Variants in ANXA4 observed in about 807,000 individuals in gnomAD.
The protein encoded by ANXA4 is annexin A4, also known as 35-beta calcimedin.
Under a neutral mutation model 49.8 loss-of-function variants are expected in ANXA4, and 39 were observed. That is an observed-to-expected ratio of 0.78 (90% confidence interval 0.61 to 1.02). ANXA4 has a LOEUF of 1.02. Among genes scored for constraint, ANXA4 ranks in the 50% least tolerant of loss-of-function variants. The pLI is 0.00. For synonymous variants in ANXA4, 134 were observed against 152.5 expected (o/e 0.88, Z 0.89); for missense variants, 360 against 410.1 (o/e 0.88, Z 1.05).
Position 69,826,937 on chromosome 2 carries a change from A to C in ANXA4, c.*1422A>C, listed in dbSNP as rs544019014. ...TACAGGAATTACAAGATAAGAAAAA[A>C]AAAATCATATTTAGTCTTATGCGTG... On this transcript the variant is annotated 3_prime_UTR_variant, in exon 13 of 13. Coordinates refer to ENST00000394295, the MANE Select transcript of ANXA4 (RefSeq NM_001153.5). 2.0e-5 allele frequency: 3 copies of C among 152,318 alleles called. No individual in the cohort carries two copies. The East Asian group carries it at 5.8e-4, about 29-fold the overall frequency. 9.4% of individuals were successfully genotyped at this position (152,318 alleles called of 1,614,324 possible).
chr2:69,651,827 G>T lies in ANXA4; in HGVS notation n.482-1171G>T, dbSNP rs1222032311. ...TTTTTTTTTTTTTTTTGGGGGGGGG[G>T]GGCGGGGAGACAGAGTCTCACTCTG... On this transcript the variant is annotated intron_variant and non_coding_transcript_variant, in intron 1 of 3. Transcript: ENST00000418066. 8.6e-4 allele frequency among the ~76,000 whole-genome samples: 39 copies of T among 45,174 alleles called. 2 individuals carry two copies. Among genetic ancestry groups the T allele is most frequent in the Non-Finnish European group, 1.6e-3 (35 of 22,532 alleles). The allele number at this position is 45,174 out of a possible 152,430, so 29.6% of individuals were successfully genotyped here.
At chr2:69,781,400 T>C (rs1274344953) in intron 1 of ANXA4, 120 bp from the exon 2 acceptor site, 4 of 773,238 alleles carry the variant, frequency 5.2e-6, no homozygotes, top group Non-Finnish European at 8.7e-6. Flanking sequence ...ACTGGCCTTT[T>C]GATTAAGTTG....
At chr2:69,676,055 G>A (rs930176017) in intron 2 of ANXA4, among the ~76,000 whole-genome samples, 2 of 150,500 alleles carry the variant, frequency 1.3e-5, no homozygotes, top group Admixed American at 6.6e-5. Flanking sequence ...AGTTAAAATG[G>A]TAAACTTTAT....
intron 1 of ANXA4, among the ~76,000 whole-genome samples, chr2:69,771,159 A>G (rs146465745): frequency 2.0e-5 from 3 of 151,954 alleles, no homozygotes; most frequent in African/African-American, 4.8e-5. Flanking sequence ...AAAAATCCTC[A>G]TGCTCCAATA....
intron 2 of ANXA4, chr2:69,713,727 T>G (rs1039329527): frequency 1.3e-5 from 2 of 152,330 alleles, no homozygotes; most frequent in African/African-American, 4.8e-5. Context: ...ATCCTTCCAT[T>G]GCTTCTGCTG....
At chr2:69,719,911 T>A (rs1669771977) in intron 2 of ANXA4, among the ~76,000 whole-genome samples, 1 of 152,182 alleles carries the variant, frequency 6.6e-6, no homozygotes, top group Admixed American at 6.5e-5. Context: ...CAGACATCAG[T>A]CACTGTGCCT....
In ANXA4 at chr2:69,659,906, G is replaced by C. The variant is rs932228590; in HGVS notation, n.766+6624G>C. Among the ~76,000 whole-genome samples, 27 of 151,652 alleles carry C rather than the reference G, an allele frequency of 1.8e-4. 1 individual carries two copies. Among genetic ancestry groups the C allele is most frequent in the African/African-American group, 6.5e-4 (27 of 41,366 alleles). ...GAAAATGTCATAAGTCAAGAACTTG[G>C]ATTTTAAGGCATACCTAGGAATGAA... On this transcript the variant is annotated intron_variant and non_coding_transcript_variant, in intron 2 of 3. Coordinates refer to the ANXA4 transcript ENST00000418066.
intron 2 of ANXA4, among the ~76,000 whole-genome samples, chr2:69,705,152 C>T (rs897542861): frequency 2.0e-5 from 3 of 151,818 alleles, no homozygotes; most frequent in Non-Finnish European, 2.9e-5. Flanking sequence ...AAAAATTAGC[C>T]AAGCGTGGTG....
chr2:69,688,970 A>G (rs1178468115), intron 2 of ANXA4, among the ~76,000 whole-genome samples: 1 of 152,200 alleles, frequency 6.6e-6, no homozygotes, highest in African/African-American at 2.4e-5. Context: ...TACTAGGTTG[A>G]TCATAGTTTC....
At chr2:69,773,922 G>A (rs1037316448) in intron 1 of ANXA4, among the ~76,000 whole-genome samples, 4 of 151,402 alleles carry the variant, frequency 2.6e-5, no homozygotes, top group African/African-American at 7.3e-5. Context: ...GAGTCACCGC[G>A]CCCGTCCTCA....
intron 1 of ANXA4, among the ~76,000 whole-genome samples, chr2:69,763,030 C>T (rs754222788): frequency 6.6e-6 from 1 of 152,148 alleles, no homozygotes; most frequent in African/African-American, 2.4e-5. Flanking sequence ...TGTGCCTTCA[C>T]GAGAATCTTG....
intron 1 of ANXA4, among the ~76,000 whole-genome samples, chr2:69,757,266 ATTTTTT>A (rs1177266386): frequency 0.047 from 1,282 of 27,086 alleles, 12 homozygotes; most frequent in African/African-American, 0.15. Flanking sequence ...ATATATATAT[ATTTTTT>A]TTTTTTTTTT....
chr2:69,656,326 T>TC (rs1351746272), intron 2 of ANXA4, among the ~76,000 whole-genome samples: 1 of 100,142 alleles, frequency 1.0e-5, no homozygotes, highest in Non-Finnish European at 1.7e-5. Context: ...TATATATGTA[T>TC]ATATATGTGT....
At chr2:69,680,114 G>C (rs1367302543) in intron 2 of ANXA4, among the ~76,000 whole-genome samples, 2 of 152,138 alleles carry the variant, frequency 1.3e-5, no homozygotes, top group Non-Finnish European at 2.9e-5. Context: ...CATTTTAAGA[G>C]CGTTAATTCT....
intron 1 of ANXA4, among the ~76,000 whole-genome samples, chr2:69,780,703 C>T (rs1672160567): frequency 6.6e-6 from 1 of 152,140 alleles, no homozygotes; most frequent in South Asian, 2.1e-4. Context: ...GATTGCACCA[C>T]TGCACTCCAG....
chr2:69,698,405 A>G (rs1573116013), intron 2 of ANXA4, among the ~76,000 whole-genome samples: 2 of 151,630 alleles, frequency 1.3e-5, no homozygotes, highest in African/African-American at 4.9e-5. Context: ...CTGCCCTTCA[A>G]CTCCCTCCAT....
chr2:69,767,515 G>A (rs889501517), intron 1 of ANXA4, among the ~76,000 whole-genome samples: 1 of 152,170 alleles, frequency 6.6e-6, no homozygotes, highest in Admixed American at 6.5e-5. Context: ...CTTTTAGCTG[G>A]AGATGGCAAA....
chr2:69,730,624 T>G (rs530998576), intron 3 of ANXA4, among the ~76,000 whole-genome samples: 2 of 152,338 alleles, frequency 1.3e-5, no homozygotes, highest in South Asian at 4.1e-4. Flanking sequence ...AGTATCCACC[T>G]GGGCCTGCCT....
At chr2:69,757,266 A>ATTTT (rs1177266386) in intron 1 of ANXA4, among the ~76,000 whole-genome samples, 7 of 27,650 alleles carry the variant, frequency 2.5e-4, no homozygotes, top group East Asian at 1.1e-3. Flanking sequence ...ATATATATAT[A>ATTTT]TTTTTTTTTT....
Sources: gnomAD v4.1 joint callset for allele counts (sites outside exome capture counted in the v4.1 genomes callset) on GRCh38, gnomAD v4.1.1 for gene constraint, MANE v1.5 for transcripts, NCBI Gene and HGNC (gene_info 2026-07-23, HGNC 2026-07-21) for gene names.